Variants in AEBP1 observed in about 807,000 individuals in gnomAD.
The protein encoded by AEBP1 is AE binding protein 1.
In AEBP1, 69 loss-of-function variants were observed where a neutral mutation model predicts 116.5. The ratio of observed to expected loss-of-function variants is 0.59; its 90% CI spans 0.49 to 0.72. The LOEUF (loss-of-function observed/expected upper bound fraction) is 0.72. Among genes scored for constraint, AEBP1 ranks in the 30% least tolerant of loss-of-function variants. The probability of loss-of-function intolerance (pLI) is 0.00; values close to 1 mark genes in which losing one functional copy is unlikely to be tolerated. For missense variants in AEBP1, 1,444 were observed against 1,557.5 expected, an observed-to-expected ratio of 0.93 and a Z score of 1.23; for synonymous variants, 627 against 627.3, an observed-to-expected ratio of 1.00 and a Z score of 0.01.
At position 44,110,946 on chromosome 7, in the gene AEBP1, G is replaced by A. The variant is rs372825522; in HGVS notation, c.1519G>A (p.Val507Met). ...FHGNVDKDTPVLSELPEPVVA... is the reference protein window; with the variant it reads ...FHGNVDKDTPMLSELPEPVVA... ...TGGGAACGTGGACAAGGACACACCC[G>A]TGCTGAGTGAGCTCCCAGAGCCGGT... The change falls in exon 13 of 21, where the codon GTG becomes ATG. Residue 507 changes from valine (V) to methionine (M), a missense_variant. Transcript: ENST00000223357. The A allele has an allele frequency of 2.7e-5, 44 of 1,613,884 alleles. No homozygotes were observed. Among genetic ancestry groups the A allele is most frequent in the East Asian group, 4.5e-5 (2 of 44,900 alleles).
chr7:44,113,418 G>C lies in AEBP1; in HGVS notation c.2809+67G>C. On this transcript the variant is annotated intron_variant, in intron 20 of 20. Transcript: ENST00000223357. The surrounding 1 kb of genome is among the most constrained non-coding windows in gnomAD (Gnocchi z 5.3). ...GACCCGCCAGAGAGGGTGGGGGCTT[G>C]AGGAACTCAGCGAGCAGGTAGAGTC... 1.3e-6 allele frequency: 2 copies of C among 1,518,244 alleles called. No homozygotes were observed. The highest frequency in any genetic ancestry group is 1.8e-6 in the Non-Finnish European group (2 of 1,116,322). 94.0% of individuals were successfully genotyped at this position (1,518,244 alleles called of 1,614,324 possible).
chr7:44,109,925 C>T, intron 9 of AEBP1, 90 bp from the exon 10 acceptor site: 1 of 1,198,172 alleles, frequency 8.3e-7, no homozygotes, highest in East Asian at 2.6e-5. Context: ...CCCCGATGTG[C>T]CGGGAGTGGG....
In AEBP1 at chr7:44,108,632, C is replaced by T. The variant is rs1169889305; in HGVS notation, c.941-267C>T. On this transcript the variant is annotated intron_variant, in intron 6 of 20. Transcript: ENST00000223357. The surrounding 1 kb of genome is among the most constrained non-coding windows in gnomAD (Gnocchi z 5.0). ...ACAGGTGCCAGTTGTCCCTCCAGGC[C>T]TTTCCCATGCCCTGGGCCTCGAGTC... is the stretch of plus-strand genomic sequence containing the variant. Among the ~76,000 whole-genome samples the T allele has an allele frequency of 6.6e-6, 1 of 152,226 alleles. No homozygotes were observed. Among genetic ancestry groups the T allele is most frequent in the South Asian group, 2.1e-4 (1 of 4,832 alleles).
chr7:44,113,532 AGTGGGAGG>A lies in AEBP1; in HGVS notation c.2810-56_2810-49del. ...GAGGGCGGGGCTGGGGGCAGGACTG[AGTGGGAGG>A]GTGGGGGCCTGGGAGGGGCGCTCTG... On this transcript the variant is annotated intron_variant, in intron 20 of 20. Coordinates refer to ENST00000223357, the MANE Select transcript of AEBP1 (RefSeq NM_001129.5). The surrounding 1 kb of genome is among the most constrained non-coding windows in gnomAD (Gnocchi z 5.3). 7.8e-6 allele frequency: 9 copies of A among 1,157,456 alleles called. No individual in the cohort carries two copies. The highest frequency in any genetic ancestry group is 9.7e-6 in the Non-Finnish European group (9 of 924,312). The allele number at this position is 1,157,456 out of a possible 1,614,324, so 71.7% of individuals were successfully genotyped here.
rs1246899401 is a variant in AEBP1 at position 44,111,587 on chromosome 7, C to A, written c.1797C>A (p.Ile599=). Residue 599 remains isoleucine (I), a synonymous_variant, in exon 15 of 21, where the codon ATC becomes ATA. Coordinates refer to ENST00000223357, the MANE Select transcript of AEBP1 (RefSeq NM_001129.5). The surrounding 1 kb of genome is among the most constrained non-coding windows in gnomAD (Gnocchi z 4.7). ...SLGKSSRGLK[I]YAMEISDNPG... ...GCAAGAGCTCACGAGGCCTCAAGAT[C>A]TATGCCATGGAGATCTCAGACAACC... 1.2e-6 allele frequency: 2 copies of A among 1,613,196 alleles called. No homozygotes were observed. The highest frequency in any genetic ancestry group is 1.7e-6 in the Non-Finnish European group (2 of 1,179,764).
chr7:44,113,233 C>A lies in AEBP1; in HGVS notation c.2710-19C>A, dbSNP rs776299778. On this transcript the variant is annotated intron_variant, in intron 19 of 20. Transcript: ENST00000223357. The surrounding 1 kb of genome is among the most constrained non-coding windows in gnomAD (Gnocchi z 5.3). ...ATTGGACCTTCCTGAGGACCAGCAG[C>A]CCTCACCTGCTTCCCTAGGTGCACC... The A allele has an allele frequency of 1.2e-6, 2 of 1,613,196 alleles. No homozygotes were observed. The highest frequency in any genetic ancestry group is 4.5e-5 in the East Asian group (2 of 44,850).
rs1279295571 is a variant in AEBP1, at chr7:44,113,911, A to C, written c.3127A>C (p.Thr1043Pro). 10 of 1,613,036 alleles carry C rather than the reference A, an allele frequency of 6.2e-6. No homozygotes were observed. Among genetic ancestry groups the C allele is most frequent in the Non-Finnish European group, 8.5e-6 (10 of 1,179,884 alleles). ...GCTGCGGCGCCTCAACGCCACCACC[A>C]CCCTAGGCCCCCACACTGTGCCTCC... is the stretch of plus-strand genomic sequence containing the variant. ...MRLRRLNATT[T>P]LGPHTVPPTL... Residue 1043 changes from threonine to proline, a missense_variant, in exon 21 of 21, where the codon ACC becomes CCC. Physicochemically the swap from Thr to Pro is conservative, Grantham distance 38. Coordinates refer to ENST00000223357, the MANE Select transcript of AEBP1 (RefSeq NM_001129.5). This position sits in a 1 kb window ranked among gnomAD's most constrained non-coding sequence, Gnocchi z 5.3.
In AEBP1 at chr7:44,109,150, C is replaced by A; in HGVS notation, c.1062C>A (p.Asp354Glu). ...KEDSSPKEETDKWAVEKGKDH... is the reference protein window; with the variant it reads ...KEDSSPKEETEKWAVEKGKDH... ...ACAGCAGCCCCAAGGAGGAGACCGA[C>A]AAGTGGGCAGTGGAGAAGGGCAAGG... Residue 354 changes from aspartate to glutamate, a missense_variant, in exon 8 of 21, where the codon GAC becomes GAA. Coordinates refer to ENST00000223357, the MANE Select transcript of AEBP1 (RefSeq NM_001129.5). 1.9e-6 allele frequency: 3 copies of A among 1,613,742 alleles called. No individual in the cohort carries two copies. The highest frequency in any genetic ancestry group is 2.5e-6 in the Non-Finnish European group (3 of 1,180,014).
chr7:44,112,344 A>G lies in AEBP1; in HGVS notation c.2217+23A>G, dbSNP rs764170913. On this transcript the variant is annotated intron_variant, in intron 17 of 20. Transcript: ENST00000223357. The surrounding 1 kb of genome is among the most constrained non-coding windows in gnomAD (Gnocchi z 6.6). ...ACGGTGAGGCTACAGCCTGGCTGAA[A>G]GGGCAGGAGGGAGCAGCTGGACCCT... The G allele has an allele frequency of 1.3e-6, 2 of 1,522,572 alleles. No homozygotes were observed. The highest frequency in any genetic ancestry group is 8.8e-7 in the Non-Finnish European group (1 of 1,134,314). The allele number at this position is 1,522,572 out of a possible 1,614,324, so 94.3% of individuals were successfully genotyped here. A position where few individuals can be genotyped will look rare whatever the true frequency, so the allele number is the denominator to read the frequency against.
chr7:44,113,807 C>T lies in AEBP1; in HGVS notation c.3023C>T (p.Ser1008Leu). The change falls in exon 21 of 21, where the codon TCG becomes TTG. Residue 1008 changes from serine to leucine, a missense_variant. Physicochemically the swap from Ser to Leu is moderately radical, Grantham distance 145. Coordinates refer to ENST00000223357, the MANE Select transcript of AEBP1 (RefSeq NM_001129.5). The surrounding 1 kb of genome is among the most constrained non-coding windows in gnomAD (Gnocchi z 5.3). ...GNRPIPHIDP[S>L]RPMTPQQRRL... The stretch of plus-strand genomic sequence containing the variant: ...CGGCCTATCCCACACATAGACCCAT[C>T]GCGCCCTATGACCCCCCAACAGCGA... 6.2e-7 allele frequency: 1 copy of T among 1,614,054 alleles called. No homozygotes were observed. The highest frequency in any genetic ancestry group is 1.1e-5 in the South Asian group (1 of 91,086).
At position 44,104,554 on chromosome 7, in the gene AEBP1, GCCCCTTCCTGGATTCCCTC is replaced by G; in HGVS notation, c.-111_-93del. The G allele has an allele frequency of 1.7e-6, 1 of 603,256 alleles. No homozygotes were observed. Among genetic ancestry groups the G allele is most frequent in the Non-Finnish European group, 2.5e-6 (1 of 401,816 alleles). The allele number at this position is 603,256 out of a possible 1,614,324, so 37.4% of individuals were successfully genotyped here. ...CCTCGCTCACCCCATCCTCTCTCCC[GCCCCTTCCTGGATTCCCTC>G]ACCCGTCTCGATCCCCTCTCCGCCC... On this transcript the variant is annotated 5_prime_UTR_variant, in exon 1 of 21. Transcript: ENST00000223357.
At position 44,113,741 on chromosome 7, in the gene AEBP1, A is replaced by G. The variant is rs1302009894; in HGVS notation, c.2957A>G (p.Asn986Ser). ...TQCNFILARSNWKRIREIMAM... is the reference protein window; with the variant it reads ...TQCNFILARSSWKRIREIMAM... Reference sequence around the variant, plus strand: ...TGCAACTTCATCCTGGCTCGCTCCAACTGGAAGCGCATCCGGGAGATCATG... The same window carrying G: ...TGCAACTTCATCCTGGCTCGCTCCAGCTGGAAGCGCATCCGGGAGATCATG... Residue 986 changes from asparagine (N) to serine (S), a missense_variant, in exon 21 of 21, where the codon AAC becomes AGC. By Grantham distance (46) the Asn-to-Ser change is conservative (BLOSUM62 1). Transcript: ENST00000223357. The surrounding 1 kb of genome is among the most constrained non-coding windows in gnomAD (Gnocchi z 5.3). 4 of 1,613,962 alleles carry G rather than the reference A, an allele frequency of 2.5e-6. No individual in the cohort carries two copies. Among genetic ancestry groups the G allele is most frequent in the African/African-American group, 1.3e-5 (1 of 74,906 alleles).
chr7:44,107,703 G>A lies in AEBP1; in HGVS notation c.739+3G>A, dbSNP rs1253648212. The A allele has an allele frequency of 6.2e-7, 1 of 1,613,558 alleles. No homozygotes were observed. The highest frequency in any genetic ancestry group is 1.1e-5 in the South Asian group (1 of 91,082). On this transcript the variant is annotated splice_donor_region_variant and intron_variant, in intron 4 of 20. Coordinates refer to ENST00000223357, the MANE Select transcript of AEBP1 (RefSeq NM_001129.5). The surrounding 1 kb of genome is among the most constrained non-coding windows in gnomAD (Gnocchi z 4.3). ...CGAGAGGGAGGACTATGAGGACTGT[G>A]AGTAGGGTCCTGCCAGCCCCACCTG...
Position 44,112,833 on chromosome 7 carries a change from C to T in AEBP1, c.2493C>T (p.Arg831=), listed in dbSNP as rs749270019. ...ACCTCACCTTGACCGAGCCCTACCG[C>T]GGAGGCTGCCAAGCCCAGGACTACA... ...SAHLTLTEPY[R]GGCQAQDYTG... Residue 831 remains arginine, a synonymous_variant, in exon 18 of 21, where the codon CGC becomes CGT. Transcript: ENST00000223357. This position sits in a 1 kb window ranked among gnomAD's most constrained non-coding sequence, Gnocchi z 6.6. 1 of 1,612,292 alleles carries T rather than the reference C, an allele frequency of 6.2e-7. No homozygotes were observed. Among genetic ancestry groups the T allele is most frequent in the East Asian group, 2.2e-5 (1 of 44,882 alleles).
At position 44,111,677 on chromosome 7, in the gene AEBP1, A is replaced by G; in HGVS notation, c.1840+47A>G. ...CAGCTGGCCTCTGCTGCTGATGTGCAGAGCTCACTGCCTCCCGCCTGTTCC... is the reference window on the plus strand; with the variant it reads ...CAGCTGGCCTCTGCTGCTGATGTGCGGAGCTCACTGCCTCCCGCCTGTTCC... On this transcript the variant is annotated intron_variant, in intron 15 of 20. Transcript: ENST00000223357. This position sits in a 1 kb window ranked among gnomAD's most constrained non-coding sequence, Gnocchi z 4.7. 2 of 1,606,342 alleles carry G rather than the reference A, an allele frequency of 1.2e-6. No individual in the cohort carries two copies. Among genetic ancestry groups the G allele is most frequent in the Non-Finnish European group, 1.7e-6 (2 of 1,177,278 alleles).
At position 44,113,450 on chromosome 7, in the gene AEBP1, G is replaced by A. The variant is rs370069790; in HGVS notation, c.2809+99G>A. The A allele has an allele frequency of 6.8e-5, 97 of 1,428,974 alleles. No homozygotes were observed. The highest frequency in any genetic ancestry group is 9.0e-5 in the Non-Finnish European group (95 of 1,054,362). The allele number at this position is 1,428,974 out of a possible 1,614,324, so 88.5% of individuals were successfully genotyped here. On this transcript the variant is annotated intron_variant, in intron 20 of 20. Coordinates refer to ENST00000223357, the MANE Select transcript of AEBP1 (RefSeq NM_001129.5). This position sits in a 1 kb window ranked among gnomAD's most constrained non-coding sequence, Gnocchi z 5.3. ...TCAGCGAGCAGGTAGAGTCTGGGGA[G>A]CCTGGGGGCGAAATTCAGAGAGGGA...
chr7:44,108,890 TC>T lies in AEBP1; in HGVS notation c.941-5del. 6.4e-7 allele frequency: 1 copy of T among 1,568,940 alleles called. No individual in the cohort carries two copies. The highest frequency in any genetic ancestry group is 1.2e-5 in the South Asian group (1 of 85,486). ...CAGGGCAGCCTCAGCTGGCTCTCCC[TC>T]CCCATAGTGGACTATTACTTTGGGC... On this transcript the variant is annotated splice_polypyrimidine_tract_variant and splice_region_variant and intron_variant, in intron 6 of 20. Transcript: ENST00000223357. This position sits in a 1 kb window ranked among gnomAD's most constrained non-coding sequence, Gnocchi z 5.0.
chr7:44,108,222 G>A lies in AEBP1; in HGVS notation c.940+138G>A, dbSNP rs1218472633. ...CCGTGGTTACCTCGCTGTCCCTGCT[G>A]TCCCTGCGTGCCCACCCCAGCCACT... On this transcript the variant is annotated intron_variant, in intron 6 of 20. Coordinates refer to ENST00000223357, the MANE Select transcript of AEBP1 (RefSeq NM_001129.5). The surrounding 1 kb of genome is among the most constrained non-coding windows in gnomAD (Gnocchi z 5.0). The A allele has an allele frequency of 2.5e-6, 2 of 808,342 alleles. No homozygotes were observed. The highest frequency in any genetic ancestry group is 4.4e-5 in the Admixed American group (2 of 44,946). 50.1% of individuals were successfully genotyped at this position (808,342 alleles called of 1,614,324 possible).
At position 44,112,210 on chromosome 7, in the gene AEBP1, C is replaced by G; in HGVS notation, c.2106C>G (p.Phe702Leu). 1.9e-6 allele frequency: 3 copies of G among 1,609,502 alleles called. No individual in the cohort carries two copies. The highest frequency in any genetic ancestry group is 1.3e-5 in the African/African-American group (1 of 74,942). ...AGGGCTTTGACATCTTTGAAGATTTCCCGGATCTCAACTCTGTGCTCTGGG... is the reference window on the plus strand; with the variant it reads ...AGGGCTTTGACATCTTTGAAGATTTGCCGGATCTCAACTCTGTGCTCTGGG... ...TEEGFDIFED[F>L]PDLNSVLWGA... Residue 702 changes from phenylalanine to leucine, a missense_variant, in exon 17 of 21, where the codon TTC becomes TTG. Coordinates refer to ENST00000223357, the MANE Select transcript of AEBP1 (RefSeq NM_001129.5). This position sits in a 1 kb window ranked among gnomAD's most constrained non-coding sequence, Gnocchi z 6.6.
Sources: allele counts gnomAD v4.1 joint callset (sites outside exome capture counted in the v4.1 genomes callset), GRCh38; gene constraint gnomAD v4.1.1; non-coding constraint Gnocchi (gnomAD v3.1); transcripts MANE v1.5; gene names NCBI Gene and HGNC (gene_info 2026-07-23, HGNC 2026-07-21).